Variants in DNAH11 observed in about 807,000 individuals in gnomAD.
The protein encoded by DNAH11 is axonemal beta dynein heavy chain 11.
DNAH11 carries 442 observed loss-of-function variants against 526.0 expected under a neutral mutation model. The ratio of observed to expected loss-of-function variants is 0.84; its 90% CI spans 0.78 to 0.91. DNAH11 has a LOEUF of 0.91. Among genes scored for constraint, DNAH11 ranks in the 40% least tolerant of loss-of-function variants. The probability of loss-of-function intolerance (pLI) is 0.00; values close to 1 mark genes in which losing one functional copy is unlikely to be tolerated. For synonymous variants in DNAH11, 2,461 were observed against 1,935.9 expected, an observed-to-expected ratio of 1.27 and a Z score of -7.12; for missense variants, 6,989 against 5,448.7, an observed-to-expected ratio of 1.28 and a Z score of -8.90.
intron 56 of DNAH11, among the ~76,000 whole-genome samples, chr7:21,776,232 C>T (rs1402735959): frequency 6.6e-6 from 1 of 152,156 alleles, no homozygotes; most frequent in Admixed American, 6.6e-5. Context: ...CACAAGACAT[C>T]TTGATTGACC....
chr7:21,804,078 GTTTTTTTTGT>G (rs1789130912), intron 62 of DNAH11, among the ~76,000 whole-genome samples: 1 of 116,530 alleles, frequency 8.6e-6, no homozygotes, highest in Non-Finnish European at 1.8e-5. Flanking sequence ...TCTTGTAGTA[GTTTTTTTTGT>G]TTTGTTTTGT....
At chr7:21,728,677 A>G (rs1042378731) in intron 45 of DNAH11, among the ~76,000 whole-genome samples, 1 of 152,202 alleles carries the variant, frequency 6.6e-6, no homozygotes, top group Non-Finnish European at 1.5e-5. Context: ...TTGAGGTACA[A>G]TTCATCCTGA....
intron 30 of DNAH11, among the ~76,000 whole-genome samples, chr7:21,674,844 G>A (rs1204321400): frequency 6.6e-6 from 1 of 151,248 alleles, no homozygotes; most frequent in Admixed American, 6.6e-5. Flanking sequence ...GCCTCCCAAC[G>A]TGCCCAACTG....
chr7:21,610,530 C>T (rs180870747), intron 20 of DNAH11, among the ~76,000 whole-genome samples: 68 of 152,048 alleles, frequency 4.5e-4, no homozygotes, highest in South Asian at 3.3e-3. Flanking sequence ...CACACCATTA[C>T]GCATAAGAGT....
intron 30 of DNAH11, among the ~76,000 whole-genome samples, chr7:21,671,292 T>C (rs1782633242): frequency 6.6e-6 from 1 of 152,218 alleles, no homozygotes; most frequent in Non-Finnish European, 1.5e-5. Context: ...TCTGGCCCAG[T>C]GTCTATTGTC....
intron 77 of DNAH11, among the ~76,000 whole-genome samples, chr7:21,894,072 A>G (rs1784421638): frequency 1.3e-5 from 2 of 152,268 alleles, no homozygotes; most frequent in East Asian, 3.9e-4. Flanking sequence ...TATTTTTAGT[A>G]GAGACAGAGT....
At chr7:21,568,481 AG>A in intron 6 of DNAH11, among the ~76,000 whole-genome samples, 1 of 152,326 alleles carries the variant, frequency 6.6e-6, no homozygotes, top group East Asian at 1.9e-4. Context: ...GGCCCCTAGT[AG>A]GGTCACAGCC....
intron 28 of DNAH11, among the ~76,000 whole-genome samples, chr7:21,640,853 C>T (rs1009007398): frequency 6.6e-6 from 1 of 152,040 alleles, no homozygotes; most frequent in Non-Finnish European, 1.5e-5. Context: ...CTTTTTCATC[C>T]CCCGTCTCTG....
chr7:21,828,506 C>A (rs1790405918), intron 65 of DNAH11, among the ~76,000 whole-genome samples: 1 of 152,084 alleles, frequency 6.6e-6, no homozygotes, highest in African/African-American at 2.4e-5. Context: ...AGCATTCTCA[C>A]ATTCAGTCAT....
intron 70 of DNAH11, among the ~76,000 whole-genome samples, chr7:21,865,240 C>T (rs561188250): frequency 6.6e-6 from 1 of 152,204 alleles, no homozygotes; most frequent in African/African-American, 2.4e-5. Flanking sequence ...ATATGCTAAG[C>T]TTTGCCCTAC....
chr7:21,790,002 C>G (rs1450850463), intron 61 of DNAH11, among the ~76,000 whole-genome samples: 1 of 146,190 alleles, frequency 6.8e-6, no homozygotes, highest in East Asian at 2.1e-4. Context: ...GTTTGCTGCT[C>G]CTATCAACCA....
chr7:21,637,292 C>G (rs1028610165), intron 26 of DNAH11, among the ~76,000 whole-genome samples: 6 of 151,894 alleles, frequency 4.0e-5, no homozygotes, highest in Non-Finnish European at 8.8e-5. Context: ...TTTTCCTCTT[C>G]CCATTCTCCC....
At chr7:21,756,368 C>G (rs957029644) in intron 54 of DNAH11, among the ~76,000 whole-genome samples, 1 of 151,798 alleles carries the variant, frequency 6.6e-6, no homozygotes, top group Non-Finnish European at 1.5e-5. Flanking sequence ...TCTGTTATGT[C>G]CCATTAATTT....
rs572033374 is a variant in DNAH11, at chr7:21,599,798, G to A, written c.2679G>A (p.Lys893=). The A allele has an allele frequency of 1.0e-5, 16 of 1,544,020 alleles. No individual in the cohort carries two copies. In the South Asian group the frequency reaches 1.8e-4, roughly 17 times the overall value. Residue 893 remains lysine, a synonymous_variant, in exon 15 of 82, where the codon AAG becomes AAA. Coordinates refer to ENST00000409508, the MANE Select transcript of DNAH11 (RefSeq NM_001277115.2). ...TTGTCTGTTTCTAGGAAAATAGGAA[G>A]CTCTTCAAAGCCAATCCCTCTCTGG... ...KIHNLVEENR[K]LFKANPSLDT... is the part of the protein sequence containing the mutation.
intron 25 of DNAH11, among the ~76,000 whole-genome samples, chr7:21,621,268 C>G (rs1479342186): frequency 6.6e-6 from 1 of 152,118 alleles, no homozygotes; most frequent in Admixed American, 6.5e-5. Flanking sequence ...CAAGACTAAA[C>G]CAGGAAGAAG....
intron 23 of DNAH11, 93 bp from the exon 24 acceptor site, chr7:21,619,007 T>A: frequency 6.7e-7 from 1 of 1,503,018 alleles, no homozygotes; most frequent in South Asian, 1.2e-5. Flanking sequence ...GACTTGAGTA[T>A]ATTTTAGTTA....
At position 21,543,214 on chromosome 7, in the gene DNAH11, G is replaced by A. The variant is rs1022774244; in HGVS notation, c.-32G>A. ...GCCCAGAGTCTCGGGTGAGGAGCCA[G>A]CCGGCCTCGCGTTCCCTCGGACGGT... On this transcript the variant is annotated 5_prime_UTR_variant, in exon 1 of 82. Coordinates refer to ENST00000409508, the MANE Select transcript of DNAH11 (RefSeq NM_001277115.2). 2 of 1,488,786 alleles carry A rather than the reference G, an allele frequency of 1.3e-6. No individual in the cohort carries two copies. The highest frequency in any genetic ancestry group is 1.8e-6 in the Non-Finnish European group (2 of 1,122,734). The allele number at this position is 1,488,786 out of a possible 1,614,324, so 92.2% of individuals were successfully genotyped here. A position where few individuals can be genotyped will look rare whatever the true frequency, so the allele number is the denominator to read the frequency against.
intron 77 of DNAH11, among the ~76,000 whole-genome samples, chr7:21,893,042 A>G (rs943006094): frequency 1.3e-5 from 2 of 152,230 alleles, no homozygotes; most frequent in African/African-American, 2.4e-5. Flanking sequence ...TTTGAATTCT[A>G]TATGAATATA....
chr7:21,561,376 C>T (rs1783453656), intron 5 of DNAH11: 2 of 428,050 alleles, frequency 4.7e-6, no homozygotes. Flanking sequence ...TATAGTAGTA[C>T]CTGCCAAAAT....
Sources: allele counts gnomAD v4.1 joint callset (sites outside exome capture counted in the v4.1 genomes callset), GRCh38; gene constraint gnomAD v4.1.1; transcripts MANE v1.5; gene names NCBI Gene and HGNC (gene_info 2026-07-23, HGNC 2026-07-21).